Variants in DOCK4 observed in about 807,000 individuals in gnomAD.
DOCK4 encodes the protein dedicator of cytokinesis 4.
A neutral mutation model predicts 268.1 loss-of-function variants in DOCK4; 97 were observed. That is an observed-to-expected ratio of 0.36 (90% CI 0.31 to 0.43). DOCK4 has a LOEUF of 0.43. Ranked by LOEUF, DOCK4 falls within the 20% of genes least tolerant of loss-of-function variation. The pLI is 1.00. For synonymous variants in DOCK4, 954 were observed against 887.2 expected, an observed-to-expected ratio of 1.08 and a Z score of -1.34; for missense variants, 2,145 against 2,455.7, an observed-to-expected ratio of 0.87 and a Z score of 2.67.
At chr7:112,075,185 A>T (rs186010627) in intron 1 of DOCK4, among the ~76,000 whole-genome samples, 1 of 152,234 alleles carries the variant, frequency 6.6e-6, no homozygotes, top group Non-Finnish European at 1.5e-5. Flanking sequence ...TGAAGACCTA[A>T]TAGTTGAGCC....
intron 5 of DOCK4, among the ~76,000 whole-genome samples, chr7:111,993,785 A>T (rs1392375776): frequency 6.6e-6 from 1 of 151,706 alleles, no homozygotes; most frequent in Non-Finnish European, 1.5e-5. Flanking sequence ...TTACTTACAG[A>T]ATTTGAATTT....
intron 1 of DOCK4, among the ~76,000 whole-genome samples, chr7:112,142,618 T>A (rs1249302815): frequency 6.6e-6 from 1 of 152,192 alleles, no homozygotes; most frequent in Non-Finnish European, 1.5e-5. Context: ...AATATAATGA[T>A]CCCCAGAGTG....
At chr7:111,975,880 T>C (rs1798118298) in intron 8 of DOCK4, among the ~76,000 whole-genome samples, 1 of 151,758 alleles carries the variant, frequency 6.6e-6, no homozygotes, top group Non-Finnish European at 1.5e-5. Context: ...TATAAAATAA[T>C]AGGCCAGGCG....
chr7:111,784,172 G>T (rs1403475090), intron 32 of DOCK4, 49 bp from the exon 33 acceptor site: 3 of 1,531,746 alleles, frequency 2.0e-6, no homozygotes, highest in South Asian at 1.2e-5. Context: ...GATTATCCAA[G>T]TCATAAAATA....
intron 14 of DOCK4, among the ~76,000 whole-genome samples, chr7:111,900,782 G>A (rs761009445): frequency 2.0e-5 from 3 of 152,196 alleles, no homozygotes; most frequent in Non-Finnish European, 2.9e-5. Flanking sequence ...GGAGATGGAC[G>A]ATTGCATGGC....
chr7:111,945,875 T>A lies in DOCK4; in HGVS notation c.702-77A>T, dbSNP rs1795580095. 3 of 1,077,088 alleles carry A rather than the reference T, an allele frequency of 2.8e-6. No individual in the cohort carries two copies. The South Asian group carries it at 4.2e-5, about 15-fold the overall frequency. The allele number at this position is 1,077,088 out of a possible 1,614,324, so 66.7% of individuals were successfully genotyped here. A position where few individuals can be genotyped will look rare whatever the true frequency, so the allele number is the denominator to read the frequency against. On this transcript the variant is annotated intron_variant, in intron 8 of 52. Transcript: ENST00000428084. ...TTTATCCCTCTGTAACTACTCTTCATCACAACAGGTAAGCTAAATATTAGG... is the reference window on the plus strand; with the variant it reads ...TTTATCCCTCTGTAACTACTCTTCAACACAACAGGTAAGCTAAATATTAGG...
chr7:111,990,925 A>G (rs1393985689), intron 5 of DOCK4, among the ~76,000 whole-genome samples: 2 of 152,234 alleles, frequency 1.3e-5, no homozygotes, highest in African/African-American at 4.8e-5. Context: ...CAAGAGGTAG[A>G]TTCTGTACAG....
intron 8 of DOCK4, among the ~76,000 whole-genome samples, chr7:111,952,092 C>T (rs1430302992): frequency 3.6e-5 from 5 of 137,338 alleles, no homozygotes; most frequent in East Asian, 2.1e-4. Context: ...TCCCTGTCTG[C>T]GAAAAAAAAA....
chr7:112,168,976 T>C (rs572592651), intron 1 of DOCK4, among the ~76,000 whole-genome samples: 8 of 152,310 alleles, frequency 5.3e-5, no homozygotes, highest in African/African-American at 1.7e-4. Context: ...CTATTTGATA[T>C]GGTTTGATTT....
chr7:111,928,466 C>A (rs113850274), intron 12 of DOCK4, among the ~76,000 whole-genome samples: 2 of 151,724 alleles, frequency 1.3e-5, no homozygotes, highest in South Asian at 4.2e-4. Context: ...AAATATCTTA[C>A]GGTGTAATGT....
rs1363141254 is a variant in DOCK4, at chr7:111,790,542, G to T, written c.3230C>A (p.Pro1077His). The change falls in exon 31 of 53, where the codon CCC (proline) becomes CAC (histidine). Residue 1077 changes from proline (P) to histidine (H), a missense_variant. Around this residue, in one of 2 missense-constraint regions of DOCK4, gnomAD observed 1,598 missense variants for 1,986.7 expected, o/e 0.80. Coordinates refer to ENST00000428084, the MANE Select transcript of DOCK4 (RefSeq NM_001363540.2). Reference protein sequence around the residue: ...IGPFLEVTLIPQPDLRNVMIP... With the variant: ...IGPFLEVTLIHQPDLRNVMIP... ...CATGACATTCCGAAGATCTGGCTGGGGTATCAAGGTCACTTCTAGGAAGGG... is the reference window on the plus strand; with the variant it reads ...CATGACATTCCGAAGATCTGGCTGGTGTATCAAGGTCACTTCTAGGAAGGG... 6.2e-7 allele frequency: 1 copy of T among 1,613,704 alleles called. No homozygotes were observed. Among genetic ancestry groups the T allele is most frequent in the African/African-American group, 1.3e-5 (1 of 74,870 alleles).
At chr7:111,832,025 C>T (rs1802853497) in intron 26 of DOCK4, among the ~76,000 whole-genome samples, 1 of 152,132 alleles carries the variant, frequency 6.6e-6, no homozygotes. Flanking sequence ...GACAAAGCTT[C>T]AGATATCAAG....
At chr7:111,952,343 C>T (rs894745389) in intron 8 of DOCK4, among the ~76,000 whole-genome samples, 1 of 152,136 alleles carries the variant, frequency 6.6e-6, no homozygotes, top group African/African-American at 2.4e-5. Context: ...CAGTAGGGAT[C>T]TGAAGGTCCT....
At chr7:112,108,581 T>C (rs1811344785) in intron 1 of DOCK4, among the ~76,000 whole-genome samples, 1 of 152,212 alleles carries the variant, frequency 6.6e-6, no homozygotes. Flanking sequence ...TTATACTCCT[T>C]TAATTTGCAG....
At chr7:112,070,920 G>A (rs977142214) in intron 1 of DOCK4, among the ~76,000 whole-genome samples, 1 of 152,188 alleles carries the variant, frequency 6.6e-6, no homozygotes, top group Non-Finnish European at 1.5e-5. Flanking sequence ...GGGGCACGAG[G>A]TAAGCAGTGA....
chr7:112,201,973 C>G (rs1200636010), intron 1 of DOCK4, among the ~76,000 whole-genome samples: 1 of 152,198 alleles, frequency 6.6e-6, no homozygotes, highest in Non-Finnish European at 1.5e-5. Flanking sequence ...CTTACACTTA[C>G]TTCATTTACT....
At chr7:111,902,255 T>C (rs1190387250) in intron 13 of DOCK4, among the ~76,000 whole-genome samples, 1 of 152,200 alleles carries the variant, frequency 6.6e-6, no homozygotes, top group Non-Finnish European at 1.5e-5. Context: ...AACTTAAATC[T>C]TTTCCAAAAT....
intron 1 of DOCK4, among the ~76,000 whole-genome samples, chr7:112,127,136 A>G (rs1014855316): frequency 1.3e-5 from 2 of 150,512 alleles, no homozygotes; most frequent in Non-Finnish European, 3.0e-5. Context: ...CATTATTCAC[A>G]ATAGCAAAGA....
intron 25 of DOCK4, among the ~76,000 whole-genome samples, chr7:111,837,869 C>T (rs1382330318): frequency 1.3e-5 from 2 of 151,734 alleles, no homozygotes; most frequent in Non-Finnish European, 2.9e-5. Context: ...GGTGAGTCAC[C>T]TGAGGTCAGG....
Sources: allele counts gnomAD v4.1 joint callset (sites outside exome capture counted in the v4.1 genomes callset), GRCh38; gene constraint gnomAD v4.1.1; regional missense constraint gnomAD v4.1.1; transcripts MANE v1.5; gene names NCBI Gene and HGNC (gene_info 2026-07-23, HGNC 2026-07-21).